PCDHGA7: variants seen among roughly 807,000 people sequenced by gnomAD.
PCDHGA7 encodes protocadherin gamma-A7.
A neutral mutation model predicts 58.3 loss-of-function variants in PCDHGA7; 44 were observed. The observed-to-expected ratio is 0.75, with a 90% confidence interval of 0.59 to 0.97. The LOEUF is 0.97. Among genes scored for constraint, PCDHGA7 ranks in the 50% least tolerant of loss-of-function variants. The pLI is 0.00. For missense variants in PCDHGA7, 1,266 were observed against 1,188.7 expected (o/e 1.06, Z -0.96); for synonymous variants, 516 against 504.2 (o/e 1.02, Z -0.31).
intron 3 of PCDHGA7, among the ~76,000 whole-genome samples, chr5:141,509,420 G>A (rs1384424118): frequency 6.6e-6 from 1 of 152,128 alleles, no homozygotes; most frequent in East Asian, 1.9e-4. Context: ...GAGCCCCAAT[G>A]AGTCAAACTC....
intron 1 of PCDHGA7, among the ~76,000 whole-genome samples, chr5:141,462,550 A>G (rs1485478117): frequency 6.6e-6 from 1 of 151,942 alleles, no homozygotes; most frequent in East Asian, 1.9e-4. Flanking sequence ...TTTCTTCTTC[A>G]GTGTTTACTG....
Position 141,431,352 on chromosome 5 carries a change from G to C in PCDHGA7, c.2424+46029G>C. Reference sequence around the variant, plus strand: ...AAGTACCCCGAATTGGTGCTGAAACGCGCCCTGGACCGCGAAGAAAAGGCT... The same window carrying C: ...AAGTACCCCGAATTGGTGCTGAAACCCGCCCTGGACCGCGAAGAAAAGGCT... On this transcript the variant is annotated intron_variant, in intron 1 of 3. Coordinates refer to ENST00000518325, the MANE Select transcript of PCDHGA7 (RefSeq NM_018920.4). This position sits in a 1 kb window ranked among gnomAD's most constrained non-coding sequence, Gnocchi z 4.8. The C allele has an allele frequency of 6.2e-7, 1 of 1,614,044 alleles. No individual in the cohort carries two copies. The highest frequency in any genetic ancestry group is 8.5e-7 in the Non-Finnish European group (1 of 1,180,032).
intron 1 of PCDHGA7, among the ~76,000 whole-genome samples, chr5:141,482,412 T>C (rs2099559037): frequency 6.6e-6 from 1 of 151,636 alleles, no homozygotes; most frequent in Non-Finnish European, 1.5e-5. Context: ...TAACTATTTG[T>C]TGAACTAAAA....
At position 141,431,017 on chromosome 5, in the gene PCDHGA7, G is replaced by A. The variant is rs768036730; in HGVS notation, c.2424+45694G>A. 2.5e-6 allele frequency: 4 copies of A among 1,613,768 alleles called. No homozygotes were observed. Among genetic ancestry groups the A allele is most frequent in the South Asian group, 1.1e-5 (1 of 91,084 alleles). ...ATCCGCGCAGCGGCAGCTTGGTCAC[G>A]GCGGGCAGGATAGACCGGGAGGAGC... On this transcript the variant is annotated intron_variant, in intron 1 of 3. Transcript: ENST00000518325. This position sits in a 1 kb window ranked among gnomAD's most constrained non-coding sequence, Gnocchi z 4.8.
At chr5:141,483,487 A>G (rs777951096) in intron 1 of PCDHGA7, among the ~76,000 whole-genome samples, 4 of 152,006 alleles carry the variant, frequency 2.6e-5, no homozygotes, top group Non-Finnish European at 5.9e-5. Context: ...AGTGAGGGAC[A>G]GGGATGAGTC....
At chr5:141,401,833 TATA>T (rs947293983) in intron 1 of PCDHGA7, among the ~76,000 whole-genome samples, 12 of 152,238 alleles carry the variant, frequency 7.9e-5, no homozygotes, top group African/African-American at 2.9e-4. Context: ...TGAGATTTCT[TATA>T]ATACCACTTA....
intron 1 of PCDHGA7, chr5:141,479,646 A>G (rs2099501987): frequency 6.6e-6 from 1 of 152,256 alleles, no homozygotes; most frequent in Admixed American, 6.5e-5. Context: ...CAACAACAAC[A>G]ACAACAATCC....
At chr5:141,399,519 G>T (rs1467117930) in intron 1 of PCDHGA7, 14 of 1,613,918 alleles carry the variant, frequency 8.7e-6, no homozygotes, top group Non-Finnish European at 1.2e-5. Context: ...ACCCTCCTGG[G>T]GCCTCCATCG....
intron 1 of PCDHGA7, chr5:141,389,555 G>A (rs755878042): frequency 1.2e-5 from 20 of 1,613,076 alleles, no homozygotes; most frequent in East Asian, 6.7e-5. Flanking sequence ...ACGACAATGC[G>A]CCACGGGTGC....
chr5:141,382,777 C>T lies in PCDHGA7; in HGVS notation c.-123C>T, dbSNP rs1778426057. 3 of 822,272 alleles carry T rather than the reference C, an allele frequency of 3.6e-6. No individual in the cohort carries two copies. The highest frequency in any genetic ancestry group is 2.0e-5 in the South Asian group (1 of 49,036). 50.9% of individuals were successfully genotyped at this position (822,272 alleles called of 1,614,324 possible). A position where few individuals can be genotyped will look rare whatever the true frequency, so the allele number is the denominator to read the frequency against. ...AAGCCCTCTTCCAGGCTGCACTAAA[C>T]TCAAGCCTCTATCCTGCTGGATTCT... On this transcript the variant is annotated 5_prime_UTR_variant, in exon 1 of 4. Transcript: ENST00000518325.
rs1435240793 is a variant in PCDHGA7 at position 141,402,906 on chromosome 5, CA to C, written c.2424+17584del. ...GGGTGGAAGAAAGAACCTGATGAAG[CA>C]GCGCGCACAGAGATCCTTTTGAGAA... On this transcript the variant is annotated intron_variant, in intron 1 of 3. Coordinates refer to ENST00000518325, the MANE Select transcript of PCDHGA7 (RefSeq NM_018920.4). The C allele has an allele frequency of 3.9e-6, 6 of 1,529,062 alleles. No homozygotes were observed. The African/African-American group carries it at 8.3e-5, about 21-fold the overall frequency. 94.7% of individuals were successfully genotyped at this position (1,529,062 alleles called of 1,614,324 possible). A position where few individuals can be genotyped will look rare whatever the true frequency, so the allele number is the denominator to read the frequency against.
intron 1 of PCDHGA7, chr5:141,419,210 G>A: frequency 6.2e-7 from 1 of 1,613,926 alleles, no homozygotes; most frequent in Non-Finnish European, 8.5e-7. Flanking sequence ...CAACGCGCCG[G>A]TTTTCGGACA....
intron 1 of PCDHGA7, chr5:141,422,833 C>G (rs2096676817): frequency 6.2e-7 from 1 of 1,614,106 alleles, no homozygotes; most frequent in African/African-American, 1.3e-5. Flanking sequence ...AGTGATAGCA[C>G]GTGACAGCGG....
chr5:141,488,222 G>A (rs1351438124), intron 1 of PCDHGA7, among the ~76,000 whole-genome samples: 1 of 152,104 alleles, frequency 6.6e-6, no homozygotes, highest in Admixed American at 6.5e-5. Flanking sequence ...TCCCTACTGG[G>A]GATTTGAACT....
chr5:141,392,915 T>A, intron 1 of PCDHGA7: 2 of 1,613,920 alleles, frequency 1.2e-6, no homozygotes, highest in Non-Finnish European at 1.7e-6. Flanking sequence ...TTCGCTACTC[T>A]GTGCCAGAAG....
rs2099642802 is a variant in PCDHGA7, at chr5:141,487,311, CTAAG to C, written c.2425-7494_2425-7491del. The C allele has an allele frequency of 1.2e-6, 2 of 1,614,058 alleles. No individual in the cohort carries two copies. On this transcript the variant is annotated intron_variant, in intron 1 of 3. Coordinates refer to ENST00000518325, the MANE Select transcript of PCDHGA7 (RefSeq NM_018920.4). This position sits in a 1 kb window ranked among gnomAD's most constrained non-coding sequence, Gnocchi z 5.0. ...TTTGGCTCATTCGTGGCACTACTCTCTAAGTGTCTTCGTGGGGCAGCCTGTGGAG... is the reference window on the plus strand; with the variant it reads ...TTTGGCTCATTCGTGGCACTACTCTCTGTCTTCGTGGGGCAGCCTGTGGAG...
rs960870975 is a variant in PCDHGA7 at position 141,417,761 on chromosome 5, C to T, written c.2424+32438C>T. On this transcript the variant is annotated intron_variant, in intron 1 of 3. Coordinates refer to ENST00000518325, the MANE Select transcript of PCDHGA7 (RefSeq NM_018920.4). ...ACACCAGATTGCCAGCTCCGAGACC[C>T]GGGACTCCTCCTGTCCTGGGCCGAA... is the stretch of plus-strand genomic sequence containing the variant. 1.8e-5 allele frequency: 26 copies of T among 1,438,736 alleles called. No homozygotes were observed. The East Asian group carries it at 5.0e-4, about 28-fold the overall frequency. The allele number at this position is 1,438,736 out of a possible 1,614,324, so 89.1% of individuals were successfully genotyped here.
intron 2 of PCDHGA7, among the ~76,000 whole-genome samples, chr5:141,501,988 T>C (rs2099812189): frequency 6.6e-6 from 1 of 152,056 alleles, no homozygotes; most frequent in Non-Finnish European, 1.5e-5. Flanking sequence ...GGTCCCGTTG[T>C]CTCCCTGACA....
rs767610901 is a variant in PCDHGA7, at chr5:141,383,026, T to A, written c.127T>A (p.Ser43Thr). 6.2e-7 allele frequency: 1 copy of A among 1,613,590 alleles called. No individual in the cohort carries two copies. The highest frequency in any genetic ancestry group is 8.5e-7 in the Non-Finnish European group (1 of 1,179,842). Reference sequence around the variant, plus strand: ...CGTGTCGGAGGAGACGGACAAAGGGTCCTTTGTGGGAGACATCGCCAAGGA... The same window carrying A: ...CGTGTCGGAGGAGACGGACAAAGGGACCTTTGTGGGAGACATCGCCAAGGA... ...YSVSEETDKG[S>T]FVGDIAKDLG... Residue 43 changes from serine to threonine, a missense_variant, in exon 1 of 4, where the codon TCC becomes ACC. By Grantham distance (58) the Ser-to-Thr change is moderately conservative. Coordinates refer to ENST00000518325, the MANE Select transcript of PCDHGA7 (RefSeq NM_018920.4).
Sources: allele counts gnomAD v4.1 joint callset (sites outside exome capture counted in the v4.1 genomes callset), GRCh38; gene constraint gnomAD v4.1.1; non-coding constraint Gnocchi (gnomAD v3.1); transcripts MANE v1.5; gene names NCBI Gene and HGNC (gene_info 2026-07-23, HGNC 2026-07-21).